Variants in KIAA1958 observed in about 807,000 individuals in gnomAD.
KIAA1958 encodes the protein uncharacterized protein KIAA1958.
Under a neutral mutation model 47.2 loss-of-function variants are expected in KIAA1958, and 14 were observed. The ratio of observed to expected loss-of-function variants is 0.30; its 90% CI spans 0.20 to 0.46. The LOEUF is 0.46. Among genes scored for constraint, KIAA1958 ranks in the 20% least tolerant of loss-of-function variants. The pLI, the probability that KIAA1958 is intolerant of heterozygous loss-of-function variation, is 1.00. For synonymous variants in KIAA1958, 354 were observed against 353.3 expected (o/e 1.00, Z -0.02); for missense variants, 803 against 909.2 (o/e 0.88, Z 1.50).
intron 2 of KIAA1958, among the ~76,000 whole-genome samples, chr9:112,631,704 C>A (rs1457312528): frequency 2.0e-5 from 3 of 151,920 alleles, no homozygotes; most frequent in Non-Finnish European, 2.9e-5. Context: ...TAGATAAGAA[C>A]GTTTAACTTT....
intron 1 of KIAA1958, among the ~76,000 whole-genome samples, chr9:112,537,096 T>C (rs545656246): frequency 7.0e-6 from 1 of 143,600 alleles, no homozygotes; most frequent in South Asian, 2.4e-4. Context: ...TCTTCTCCTC[T>C]CTTCTCTTTT....
At chr9:112,637,627 C>T (rs1011570057) in intron 2 of KIAA1958, among the ~76,000 whole-genome samples, 1 of 152,018 alleles carries the variant, frequency 6.6e-6, no homozygotes, top group Non-Finnish European at 1.5e-5. Context: ...CTGCCCACCT[C>T]GGCCTCCCAA....
At chr9:112,526,125 C>T (rs979010165) in intron 1 of KIAA1958, among the ~76,000 whole-genome samples, 14 of 151,314 alleles carry the variant, frequency 9.3e-5, no homozygotes, top group African/African-American at 3.2e-4. Context: ...CCACCATACC[C>T]GGCCTTTATG....
At chr9:112,615,744 C>A (rs1836398665) in intron 2 of KIAA1958, among the ~76,000 whole-genome samples, 3 of 152,146 alleles carry the variant, frequency 2.0e-5, no homozygotes, top group Admixed American at 6.5e-5. Context: ...TATGGGTTTA[C>A]TTATTTAAAG....
intron 1 of KIAA1958, among the ~76,000 whole-genome samples, chr9:112,552,570 C>T (rs1056989439): frequency 1.1e-4 from 16 of 152,294 alleles, no homozygotes; most frequent in African/African-American, 3.4e-4. Flanking sequence ...CTCACATCCT[C>T]GTGAAACAGT....
At position 112,660,326 on chromosome 9, in the gene KIAA1958, G is replaced by A. The variant is rs1241113721; in HGVS notation, c.*257G>A. ...TTAGAATCTAACACAATGTATAATTGTTACATACAAGAGTGAGGAAATTCA... is the reference window on the plus strand; with the variant it reads ...TTAGAATCTAACACAATGTATAATTATTACATACAAGAGTGAGGAAATTCA... On this transcript the variant is annotated 3_prime_UTR_variant, in exon 4 of 4. Transcript: ENST00000337530. 2.0e-6 allele frequency: 1 copy of A among 509,462 alleles called. No individual in the cohort carries two copies. Among genetic ancestry groups the A allele is most frequent in the Admixed American group, 3.2e-5 (1 of 31,200 alleles). The allele number at this position is 509,462 out of a possible 1,614,324, so 31.6% of individuals were successfully genotyped here.
intron 3 of KIAA1958, among the ~76,000 whole-genome samples, chr9:112,658,813 GATCGAGACCATC>G (rs1837201284): frequency 2.6e-5 from 4 of 151,674 alleles, no homozygotes; most frequent in African/African-American, 9.7e-5. Flanking sequence ...CAAAAAATTA[GATCGAGACCATC>G]CTGGCTAACA....
chr9:112,500,858 C>T (rs141335201), intron 1 of KIAA1958, among the ~76,000 whole-genome samples: 248 of 151,458 alleles, frequency 1.6e-3, no homozygotes, highest in African/African-American at 5.3e-3. Context: ...CCTGTAATCC[C>T]AGTATTTTGG....
At chr9:112,545,831 T>TTTG (rs1160091960) in intron 1 of KIAA1958, among the ~76,000 whole-genome samples, 6 of 149,416 alleles carry the variant, frequency 4.0e-5, no homozygotes, top group East Asian at 2.0e-4. Context: ...CTTTGTTTTT[T>TTTG]TTTTTTTTTT....
chr9:112,649,751 G>A (rs528066505), intron 3 of KIAA1958, among the ~76,000 whole-genome samples: 2 of 152,182 alleles, frequency 1.3e-5, no homozygotes, highest in African/African-American at 4.8e-5. Flanking sequence ...TATCCTCTGT[G>A]AAAACAGCTT....
At chr9:112,571,390 A>G (rs978758949) in intron 1 of KIAA1958, among the ~76,000 whole-genome samples, 5 of 152,128 alleles carry the variant, frequency 3.3e-5, no homozygotes, top group African/African-American at 1.2e-4. Context: ...AGGGATTTTG[A>G]TCTTTCGGGA....
At position 112,656,660 on chromosome 9, in the gene KIAA1958, A is replaced by G. The variant is rs1564203816; in HGVS notation, c.1345-2603A>G. Among the ~76,000 whole-genome samples the G allele has an allele frequency of 2.6e-5, 4 of 152,164 alleles. No individual in the cohort carries two copies. In the South Asian group the frequency reaches 6.2e-4, roughly 24 times the overall value. ...ATGAAGAGCCTTTCTGTCTTTTTCT[A>G]TGCTCTGAAACTATTTAAATGAAAA... On this transcript the variant is annotated intron_variant, in intron 3 of 3. Coordinates refer to ENST00000337530, the MANE Select transcript of KIAA1958 (RefSeq NM_133465.4).
At chr9:112,507,667 C>T (rs1440790169) in intron 1 of KIAA1958, among the ~76,000 whole-genome samples, 1 of 152,178 alleles carries the variant, frequency 6.6e-6, no homozygotes, top group East Asian at 1.9e-4. Flanking sequence ...TTGATTCTTT[C>T]GAATGGGAAT....
intron 1 of KIAA1958, among the ~76,000 whole-genome samples, chr9:112,519,838 T>C (rs1050094806): frequency 6.6e-6 from 1 of 152,228 alleles, no homozygotes; most frequent in Non-Finnish European, 1.5e-5. Flanking sequence ...ATGGTATTAA[T>C]TGAACCCCAG....
intron 3 of KIAA1958, among the ~76,000 whole-genome samples, chr9:112,652,882 G>C (rs1564202555): frequency 6.6e-6 from 1 of 152,200 alleles, no homozygotes; most frequent in Non-Finnish European, 1.5e-5. Flanking sequence ...GTCTCCCAAA[G>C]TCCTGGGATT....
chr9:112,651,317 A>G (rs1180414210), intron 3 of KIAA1958, among the ~76,000 whole-genome samples: 1 of 151,580 alleles, frequency 6.6e-6, no homozygotes, highest in Non-Finnish European at 1.5e-5. Flanking sequence ...ATCATATAGA[A>G]TATGTTCTCT....
At chr9:112,648,638 T>C (rs563421262) in intron 3 of KIAA1958, among the ~76,000 whole-genome samples, 52 of 152,290 alleles carry the variant, frequency 3.4e-4, no homozygotes, top group African/African-American at 1.1e-3. Flanking sequence ...TAATTAGCCC[T>C]AGACAGAGCA....
intron 1 of KIAA1958, among the ~76,000 whole-genome samples, chr9:112,559,841 G>A (rs942359014): frequency 1.3e-5 from 2 of 152,048 alleles, no homozygotes; most frequent in African/African-American, 2.4e-5. Flanking sequence ...GTCAAATCTC[G>A]CCCATTGATG....
At chr9:112,632,989 T>C (rs1836737777) in intron 2 of KIAA1958, among the ~76,000 whole-genome samples, 1 of 152,064 alleles carries the variant, frequency 6.6e-6, no homozygotes, top group Non-Finnish European at 1.5e-5. Flanking sequence ...AAATTTGCTT[T>C]TGTTTTTGCT....
Sources: allele counts gnomAD v4.1 joint callset (sites outside exome capture counted in the v4.1 genomes callset), GRCh38; gene constraint gnomAD v4.1.1; transcripts MANE v1.5; gene names NCBI Gene and HGNC (gene_info 2026-07-23, HGNC 2026-07-21).